Variants in FBXW4 observed in about 807,000 individuals in gnomAD.
FBXW4 encodes the protein F-box/WD repeat-containing protein 4.
In FBXW4, 40 loss-of-function variants were observed where a neutral mutation model predicts 61.8. The observed-to-expected ratio is 0.65, with a 90% CI of 0.50 to 0.84. The LOEUF is 0.84. Ranked by LOEUF, FBXW4 falls within the 40% of genes least tolerant of loss-of-function variation. FBXW4 has a pLI of 0.00. For synonymous variants in FBXW4, 311 were observed against 313.8 expected (o/e 0.99, Z 0.10); for missense variants, 672 against 753.8 (o/e 0.89, Z 1.27).
At position 101,676,357 on chromosome 10, in the gene FBXW4, G is replaced by T. The variant is rs2064407949; in HGVS notation, c.805C>A (p.Leu269Met). The change falls in exon 2 of 9, where the codon CTG becomes ATG. Residue 269 changes from leucine (L) to methionine (M), a missense_variant. This residue lies in a region of FBXW4 where 6 missense variants were observed against 20.2 expected (regional missense o/e 0.30). Transcript: ENST00000331272. ...GCTACTTGCCTGCATCTCCACTTCAGCAGAATCCCCTCTCGGCAGCGCCCC... is the reference window on the plus strand; with the variant it reads ...GCTACTTGCCTGCATCTCCACTTCATCAGAATCCCCTCTCGGCAGCGCCCC... Reference protein sequence around the residue: ...RLGRCREGILLKWRCSQMPWM... With the variant: ...RLGRCREGILMKWRCSQMPWM... 3.7e-6 allele frequency: 6 copies of T among 1,613,074 alleles called. No homozygotes were observed. Among genetic ancestry groups the T allele is most frequent in the Non-Finnish European group, 5.1e-6 (6 of 1,179,640 alleles).
chr10:101,673,954 T>C (rs2064383700), intron 2 of FBXW4, among the ~76,000 whole-genome samples: 1 of 152,216 alleles, frequency 6.6e-6, no homozygotes, highest in Non-Finnish European at 1.5e-5. Flanking sequence ...GAATATTTAA[T>C]ATTTCAATTA....
intron 1 of FBXW4, among the ~76,000 whole-genome samples, chr10:101,683,516 G>C (rs1331701157): frequency 1.3e-5 from 2 of 151,912 alleles, no homozygotes; most frequent in Admixed American, 6.6e-5. Flanking sequence ...TTCAAATCTT[G>C]GCAAGTGAGT....
intron 5 of FBXW4, among the ~76,000 whole-genome samples, chr10:101,631,249 T>C (rs1255377120): frequency 6.6e-6 from 1 of 152,180 alleles, no homozygotes; most frequent in African/African-American, 2.4e-5. Flanking sequence ...GACTGAACCA[T>C]AATGGGTTAA....
chr10:101,637,320 AG>A (rs1320071755), intron 5 of FBXW4, among the ~76,000 whole-genome samples: 6 of 129,112 alleles, frequency 4.6e-5, no homozygotes, highest in African/African-American at 1.8e-4. Flanking sequence ...TGAACCTGGG[AG>A]GCGGAGCTTG....
chr10:101,690,038 A>G (rs2064577498), intron 1 of FBXW4, among the ~76,000 whole-genome samples: 1 of 152,266 alleles, frequency 6.6e-6, no homozygotes, highest in Non-Finnish European at 1.5e-5. Flanking sequence ...GAGAATATGT[A>G]GCACTTAATT....
chr10:101,645,593 A>C (rs2134851512), intron 5 of FBXW4, among the ~76,000 whole-genome samples: 1 of 152,364 alleles, frequency 6.6e-6, no homozygotes, highest in South Asian at 2.1e-4. Flanking sequence ...GAACAGACAA[A>C]GACAGGGCTT....
chr10:101,674,204 C>T (rs1246813826), intron 2 of FBXW4, among the ~76,000 whole-genome samples: 2 of 151,910 alleles, frequency 1.3e-5, no homozygotes, highest in Non-Finnish European at 2.9e-5. Context: ...TGGTACACGC[C>T]GGTAATCCCA....
At chr10:101,615,728 T>G (rs1287753841) in intron 6 of FBXW4, among the ~76,000 whole-genome samples, 2 of 152,022 alleles carry the variant, frequency 1.3e-5, no homozygotes, top group Non-Finnish European at 2.9e-5. Context: ...ATCACCATCT[T>G]TGTGGGGGCA....
intron 5 of FBXW4, 46 bp downstream of exon 5, chr10:101,667,840 G>T: frequency 6.8e-7 from 1 of 1,479,716 alleles, no homozygotes. Context: ...TAAAATAAAA[G>T]CATTATTATA....
rs3127257 is a variant in FBXW4, at chr10:101,620,339, T to G, written c.1301+4406A>C. ...CTTGGGCTTCTCTGGGAAAGACAGC[T>G]CTAGAGAGTCATCCTGTCCATCCAT... On this transcript the variant is annotated intron_variant, in intron 6 of 8. Transcript: ENST00000331272. Among the ~76,000 whole-genome samples, 809 of 152,316 alleles carry G rather than the reference T, an allele frequency of 5.3e-3. 12 individuals carry two copies. Among genetic ancestry groups the G allele is most frequent in the African/African-American group, 0.018 (766 of 41,570 alleles).
intron 5 of FBXW4, among the ~76,000 whole-genome samples, chr10:101,653,554 A>G (rs1356289884): frequency 1.3e-5 from 2 of 152,180 alleles, no homozygotes; most frequent in Non-Finnish European, 2.9e-5. Context: ...CAATTTCAAT[A>G]CAGGCATCAT....
At chr10:101,628,830 A>G (rs1589746713) in intron 5 of FBXW4, among the ~76,000 whole-genome samples, 1 of 152,196 alleles carries the variant, frequency 6.6e-6, no homozygotes, top group East Asian at 1.9e-4. Flanking sequence ...TTTTGACTCC[A>G]TAAGCTCTTT....
intron 5 of FBXW4, among the ~76,000 whole-genome samples, chr10:101,645,076 A>T (rs963062220): frequency 6.6e-6 from 1 of 152,142 alleles, no homozygotes; most frequent in African/African-American, 2.4e-5. Flanking sequence ...CTGCTCCTTC[A>T]ATGGCCTGGG....
intron 5 of FBXW4, among the ~76,000 whole-genome samples, chr10:101,654,345 C>T (rs1417992991): frequency 6.6e-6 from 1 of 151,912 alleles, no homozygotes; most frequent in Non-Finnish European, 1.5e-5. Context: ...TGGAATTGTA[C>T]ACTTAAATTG....
intron 5 of FBXW4, among the ~76,000 whole-genome samples, chr10:101,655,663 C>A (rs1033193039): frequency 1.3e-5 from 2 of 152,104 alleles, no homozygotes; most frequent in African/African-American, 4.8e-5. Flanking sequence ...GCTAAAGCTG[C>A]AGCTGCAACA....
chr10:101,611,920 C>A lies in FBXW4; in HGVS notation c.1443-151G>T. The A allele has an allele frequency of 9.9e-7, 1 of 1,005,764 alleles. No individual in the cohort carries two copies. Among genetic ancestry groups the A allele is most frequent in the Non-Finnish European group, 1.4e-6 (1 of 708,646 alleles). The allele number at this position is 1,005,764 out of a possible 1,614,324, so 62.3% of individuals were successfully genotyped here. A position where few individuals can be genotyped will look rare whatever the true frequency, so the allele number is the denominator to read the frequency against. On this transcript the variant is annotated intron_variant, in intron 7 of 8. Coordinates refer to ENST00000331272, the MANE Select transcript of FBXW4 (RefSeq NM_022039.4). This position sits in a 1 kb window ranked among gnomAD's most constrained non-coding sequence, Gnocchi z 4.9. ...CTAAATCATCAGATTCATCAAAAAC[C>A]GAACTTCATGGGAGAAAGCATCTTC...
intron 1 of FBXW4, among the ~76,000 whole-genome samples, chr10:101,689,786 T>C (rs2064573522): frequency 6.6e-6 from 1 of 152,232 alleles, no homozygotes; most frequent in Admixed American, 6.5e-5. Flanking sequence ...TCTGCTTATC[T>C]GTGTCTATCT....
At chr10:101,642,160 T>C (rs1241966203) in intron 5 of FBXW4, among the ~76,000 whole-genome samples, 2 of 152,070 alleles carry the variant, frequency 1.3e-5, no homozygotes, top group African/African-American at 4.8e-5. Flanking sequence ...AGTGAGACTC[T>C]ATCTCAAAAA....
At chr10:101,675,719 T>C (rs2064401528) in intron 2 of FBXW4, among the ~76,000 whole-genome samples, 1 of 152,254 alleles carries the variant, frequency 6.6e-6, no homozygotes, top group Non-Finnish European at 1.5e-5. Flanking sequence ...AGCAATTTTT[T>C]GGTAGAGAGT....
Sources: gnomAD v4.1 joint callset for allele counts (sites outside exome capture counted in the v4.1 genomes callset) on GRCh38, gnomAD v4.1.1 for gene constraint, gnomAD v4.1.1 regional missense constraint, Gnocchi (gnomAD v3.1) non-coding constraint, MANE v1.5 for transcripts, NCBI Gene and HGNC (gene_info 2026-07-23, HGNC 2026-07-21) for gene names.